The following AFDN variants were observed in gnomAD, a reference collection of about 807,000 sequenced individuals.
The protein encoded by AFDN is afadin.
AFDN carries 68 observed loss-of-function variants against 216.6 expected under a neutral mutation model. That is an observed-to-expected ratio of 0.31 (90% CI 0.26 to 0.38). The LOEUF (loss-of-function observed/expected upper bound fraction) is 0.38. Among genes scored for constraint, AFDN ranks in the 10% least tolerant of loss-of-function variants. The pLI, the probability that AFDN is intolerant of heterozygous loss-of-function variation, is 1.00. For synonymous variants in AFDN, 868 were observed against 853.7 expected, an observed-to-expected ratio of 1.02 and a Z score of -0.29; for missense variants, 2,136 against 2,342.0, an observed-to-expected ratio of 0.91 and a Z score of 1.82.
chr6:167,943,248 T>C (rs571205969), intron 24 of AFDN, 54 bp downstream of exon 24: 1 of 1,527,692 alleles, frequency 6.5e-7, no homozygotes, highest in African/African-American at 1.4e-5. Flanking sequence ...ATTCAGCAAA[T>C]GATGTGAGAG....
chr6:167,939,400 G>A (rs1794413501), intron 23 of AFDN, among the ~76,000 whole-genome samples: 1 of 152,166 alleles, frequency 6.6e-6, no homozygotes, highest in Admixed American at 6.5e-5. Flanking sequence ...AGTAGTGCTT[G>A]TAGAACTTTT....
At chr6:167,952,407 A>T (rs1796097541) in intron 30 of AFDN, 1 of 1,422,064 alleles carries the variant, frequency 7.0e-7, no homozygotes, top group African/African-American at 1.4e-5. Context: ...CAAGTATTAA[A>T]TACAATTCAA....
intron 1 of AFDN, among the ~76,000 whole-genome samples, chr6:167,836,497 T>C (rs886649356): frequency 5.3e-5 from 8 of 152,214 alleles, no homozygotes; most frequent in Non-Finnish European, 1.0e-4. Flanking sequence ...CACGCACATA[T>C]GGATTTTTAA....
At chr6:167,961,755 C>T (rs1014714783) in intron 30 of AFDN, among the ~76,000 whole-genome samples, 3 of 152,114 alleles carry the variant, frequency 2.0e-5, no homozygotes, top group African/African-American at 2.4e-5. Flanking sequence ...AGAAGAGAGC[C>T]GAGATAGGGC....
At chr6:167,892,035 A>G (rs775919873) in intron 8 of AFDN, among the ~76,000 whole-genome samples, 9 of 152,220 alleles carry the variant, frequency 5.9e-5, no homozygotes, top group East Asian at 1.9e-4. Flanking sequence ...GGTTATTGCA[A>G]TTAACTAATG....
rs181311757 is a variant in AFDN at position 167,890,501 on chromosome 6, G to A, written c.1010-361G>A. On this transcript the variant is annotated intron_variant, in intron 7 of 33. Transcript: ENST00000683244. ...AAAGTACATTTTTATATGTGTATTTGTGTGTGAATGTGGTTTTTATATGTA... is the reference window on the plus strand; with the variant it reads ...AAAGTACATTTTTATATGTGTATTTATGTGTGAATGTGGTTTTTATATGTA... Among the ~76,000 whole-genome samples, 600 of 151,994 alleles carry A rather than the reference G, an allele frequency of 3.9e-3. 4 individuals are homozygous for A. Among genetic ancestry groups the A allele is most frequent in the African/African-American group, 0.014 (578 of 41,488 alleles).
At chr6:167,961,120 T>A (rs941927677) in intron 30 of AFDN, among the ~76,000 whole-genome samples, 5 of 152,194 alleles carry the variant, frequency 3.3e-5, no homozygotes, top group African/African-American at 1.2e-4. Context: ...TTAACATTGT[T>A]ATATTTCTAC....
chr6:167,946,293 A>G (rs1021879923), intron 26 of AFDN, among the ~76,000 whole-genome samples: 8 of 152,240 alleles, frequency 5.3e-5, no homozygotes, highest in African/African-American at 1.7e-4. Flanking sequence ...AACTGACAGA[A>G]GCGGCCGCCA....
chr6:167,834,457 G>GTTTTTTTTT (rs11446838), intron 1 of AFDN, among the ~76,000 whole-genome samples: 4 of 75,254 alleles, frequency 5.3e-5, no homozygotes, highest in Non-Finnish European at 7.1e-5. Context: ...TGTTGTTTCG[G>GTTTTTTTTT]TTTTTTTTTT....
At chr6:167,869,096 A>G (rs1417814002) in intron 2 of AFDN, among the ~76,000 whole-genome samples, 1 of 152,014 alleles carries the variant, frequency 6.6e-6, no homozygotes, top group Non-Finnish European at 1.5e-5. Flanking sequence ...CCTTTTCTGC[A>G]AAGTATAGCA....
At chr6:167,862,928 G>A (rs1783758562) in intron 1 of AFDN, among the ~76,000 whole-genome samples, 1 of 152,154 alleles carries the variant, frequency 6.6e-6, no homozygotes, top group Non-Finnish European at 1.5e-5. Context: ...GAACATACAT[G>A]CTCATTTATT....
At chr6:167,927,300 A>G (rs969939823) in intron 23 of AFDN, among the ~76,000 whole-genome samples, 1 of 152,106 alleles carries the variant, frequency 6.6e-6, no homozygotes, top group African/African-American at 2.4e-5. Flanking sequence ...TGGGAGTGAG[A>G]GCACAAGCAG....
Position 167,870,474 on chromosome 6 carries a change from T to C in AFDN, c.390T>C (p.Asn130=). 2 of 1,611,716 alleles carry C rather than the reference T, an allele frequency of 1.2e-6. No individual in the cohort carries two copies. Among genetic ancestry groups the C allele is most frequent in the South Asian group, 2.2e-5 (2 of 90,554 alleles). Residue 130 remains asparagine, a synonymous_variant, in exon 3 of 34, where the codon AAT becomes AAC. Coordinates refer to ENST00000683244, the MANE Select transcript of AFDN (RefSeq NM_001386888.1). ...GGGAAGGCAGATTTGTTCTTAAGAA[T>C]GAGAATGACGCCATTCCTCCTAAGG... ...DDREGRFVLK[N]ENDAIPPKKA...
At chr6:167,964,976 CAG>C (rs1797392982) in intron 31 of AFDN, 1 of 1,052,204 alleles carries the variant, frequency 9.5e-7, no homozygotes, top group South Asian at 4.6e-5. Context: ...AGATGTATGT[CAG>C]AAAAAAATGT....
chr6:167,905,441 GTAAA>G (rs1169138036), intron 12 of AFDN, among the ~76,000 whole-genome samples: 2 of 152,130 alleles, frequency 1.3e-5, no homozygotes, highest in Non-Finnish European at 2.9e-5. Context: ...AGAAGACTTG[GTAAA>G]TAGAGGAAAA....
chr6:167,951,588 G>A lies in AFDN; in HGVS notation c.4234G>A (p.Ala1412Thr). 1 of 1,614,060 alleles carries A rather than the reference G, an allele frequency of 6.2e-7. No individual in the cohort carries two copies. The highest frequency in any genetic ancestry group is 8.5e-7 in the Non-Finnish European group (1 of 1,179,974). Residue 1412 changes from alanine (A) to threonine (T), a missense_variant, in exon 30 of 34, where the codon GCT becomes ACT. Ala to Thr is a moderately conservative substitution (Grantham distance 58). Around this residue, in one of 8 missense-constraint regions of AFDN, gnomAD observed 981 missense variants for 966.0 expected, o/e 1.02. Coordinates refer to ENST00000683244, the MANE Select transcript of AFDN (RefSeq NM_001386888.1). The surrounding 1 kb of genome is among the most constrained non-coding windows in gnomAD (Gnocchi z 7.1). ...GATAGGGCTGCCGTCTGCGCAGGTGGCTGCTGCTGAACGGAGAAAGAGAGA... is the reference window on the plus strand; with the variant it reads ...GATAGGGCTGCCGTCTGCGCAGGTGACTGCTGCTGAACGGAGAAAGAGAGA... ...NQIGLPSAQV[A>T]AAERRKREEH...
At chr6:167,862,607 T>C (rs1460896075) in intron 1 of AFDN, among the ~76,000 whole-genome samples, 1 of 152,230 alleles carries the variant, frequency 6.6e-6, no homozygotes, top group Non-Finnish European at 1.5e-5. Context: ...ACTCCTGATC[T>C]CAGGTGATCC....
At chr6:167,914,019 A>G (rs985073670) in intron 16 of AFDN, 149 bp from the exon 17 acceptor site, 9 of 737,704 alleles carry the variant, frequency 1.2e-5, no homozygotes, top group Non-Finnish European at 1.9e-5. Context: ...CACCCAAATT[A>G]TTTTGCAAAT....
chr6:167,873,406 T>TTA (rs1233501382), intron 4 of AFDN, among the ~76,000 whole-genome samples: 6 of 152,268 alleles, frequency 3.9e-5, no homozygotes, highest in African/African-American at 1.4e-4. Flanking sequence ...TTATACAGTA[T>TTA]TATATAGTTC....
Sources: gnomAD v4.1 joint callset for allele counts (sites outside exome capture counted in the v4.1 genomes callset) on GRCh38, gnomAD v4.1.1 for gene constraint, gnomAD v4.1.1 regional missense constraint, Gnocchi (gnomAD v3.1) non-coding constraint, MANE v1.5 for transcripts, NCBI Gene and HGNC (gene_info 2026-07-23, HGNC 2026-07-21) for gene names.